Variants in FARP1 observed in about 807,000 individuals in gnomAD.
FARP1 encodes FERM, ARH/RhoGEF and pleckstrin domain protein 1.
Under a neutral mutation model 128.8 loss-of-function variants are expected in FARP1, and 52 were observed. The ratio of observed to expected loss-of-function variants is 0.40; its 90% CI spans 0.32 to 0.51. FARP1 has a LOEUF of 0.51. FARP1 is among the 20% of genes least tolerant of loss of function. The probability of loss-of-function intolerance (pLI) is 0.45; values close to 1 mark genes in which losing one functional copy is unlikely to be tolerated. For missense variants in FARP1, 1,333 were observed against 1,367.9 expected (o/e 0.97, Z 0.40); for synonymous variants, 580 against 551.8 (o/e 1.05, Z -0.72).
At chr13:98,393,307 G>A (rs368855583) in intron 11 of FARP1, among the ~76,000 whole-genome samples, 2 of 152,176 alleles carry the variant, frequency 1.3e-5, no homozygotes, top group African/African-American at 4.8e-5. Context: ...GAGCATGGGA[G>A]GGCGCAGCCA....
intron 18 of FARP1, chr13:98,432,409 TG>T (rs1014652799): frequency 6.6e-6 from 1 of 152,258 alleles, no homozygotes; most frequent in African/African-American, 2.4e-5. Flanking sequence ...ATTCCAGACC[TG>T]CTTTTCCCAC....
chr13:98,147,688 T>C (rs1000020273), intron 1 of FARP1, among the ~76,000 whole-genome samples: 1 of 152,012 alleles, frequency 6.6e-6, no homozygotes, highest in African/African-American at 2.4e-5. Flanking sequence ...TGTTTTCTTT[T>C]TGAAAAAAAC....
intron 4 of FARP1, among the ~76,000 whole-genome samples, 158 bp downstream of exon 4, chr13:98,365,595 TGTGTGTCTTCTG>T (rs1230134503): frequency 6.6e-6 from 1 of 152,234 alleles, no homozygotes; most frequent in African/African-American, 2.4e-5. Flanking sequence ...ACTATTAAAA[TGTGTGTCTTCTG>T]CAGTTTTAAT....
chr13:98,230,601 T>G (rs1455617455), intron 2 of FARP1, among the ~76,000 whole-genome samples: 13 of 151,960 alleles, frequency 8.6e-5, no homozygotes, highest in Non-Finnish European at 1.5e-4. Flanking sequence ...TGAATTACTG[T>G]GACCTAGGCA....
intron 2 of FARP1, among the ~76,000 whole-genome samples, chr13:98,224,659 A>G (rs1197145379): frequency 6.6e-6 from 1 of 151,470 alleles, no homozygotes; most frequent in Non-Finnish European, 1.5e-5. Flanking sequence ...CTTGCCAGGG[A>G]CTCCCATTTG....
In FARP1 at chr13:98,393,632, A is replaced by AT; in HGVS notation, c.1089-6dup. 6.2e-7 allele frequency: 1 copy of AT among 1,610,762 alleles called. No homozygotes were observed. Among genetic ancestry groups the AT allele is most frequent in the Non-Finnish European group, 8.5e-7 (1 of 1,177,024 alleles). On this transcript the variant is annotated splice_polypyrimidine_tract_variant and intron_variant, in intron 11 of 26. Coordinates refer to ENST00000319562, the MANE Select transcript of FARP1 (RefSeq NM_005766.4). ...CACCTAACTTTAATGATCTTGTGTG[A>AT]TTTTTCCCAGGAAGCACAGCAAGAT...
chr13:98,386,513 C>G (rs1324527986), intron 8 of FARP1, among the ~76,000 whole-genome samples: 1 of 152,150 alleles, frequency 6.6e-6, no homozygotes, highest in East Asian at 1.9e-4. Flanking sequence ...AGTGCACACA[C>G]TTGAAGTGCA....
At chr13:98,415,011 C>T (rs1450237201) in intron 16 of FARP1, among the ~76,000 whole-genome samples, 2 of 152,220 alleles carry the variant, frequency 1.3e-5, no homozygotes, top group Non-Finnish European at 2.9e-5. Context: ...AAAAGGATTT[C>T]TGAAGCCTAA....
At chr13:98,272,889 A>G (rs554609652) in intron 2 of FARP1, among the ~76,000 whole-genome samples, 3 of 152,306 alleles carry the variant, frequency 2.0e-5, no homozygotes, top group Admixed American at 6.5e-5. Context: ...AGTATGTTCA[A>G]TTTTGTCAAA....
intron 12 of FARP1, 21 bp from the exon 13 acceptor site, chr13:98,395,206 C>T: frequency 1.9e-6 from 3 of 1,577,710 alleles, no homozygotes; most frequent in Non-Finnish European, 1.7e-6. Flanking sequence ...CTCTCCGCAC[C>T]TTTTTCCCCA....
intron 16 of FARP1, among the ~76,000 whole-genome samples, chr13:98,415,184 G>A (rs1211580843): frequency 6.6e-6 from 1 of 152,132 alleles, no homozygotes; most frequent in Non-Finnish European, 1.5e-5. Flanking sequence ...GAACTGGAGG[G>A]GGCTTTGAAA....
chr13:98,384,716 C>A lies in FARP1; in HGVS notation c.497-14C>A. The A allele has an allele frequency of 1.3e-6, 2 of 1,547,958 alleles. No homozygotes were observed. Among genetic ancestry groups the A allele is most frequent in the Non-Finnish European group, 1.8e-6 (2 of 1,120,408 alleles). Reference sequence around the variant, plus strand: ...ATTCCTACGTGACCTGTTTTTCTTTCTGTTTCTTTTTAGCTGAGATTGGGG... The same window carrying A: ...ATTCCTACGTGACCTGTTTTTCTTTATGTTTCTTTTTAGCTGAGATTGGGG... On this transcript the variant is annotated splice_polypyrimidine_tract_variant and intron_variant, in intron 6 of 26. Transcript: ENST00000319562.
Position 98,395,489 on chromosome 13 carries a change from G to C in FARP1, c.1414+13G>C. On this transcript the variant is annotated intron_variant, in intron 13 of 26. Transcript: ENST00000319562. Reference sequence around the variant, plus strand: ...CAGCCAAGCACAGGTCCAGCATCCCGGGCTGCCAGAGGCAGCAGTACTTCC... The same window carrying C: ...CAGCCAAGCACAGGTCCAGCATCCCCGGCTGCCAGAGGCAGCAGTACTTCC... 1 of 1,564,600 alleles carries C rather than the reference G, an allele frequency of 6.4e-7. No homozygotes were observed.
At chr13:98,390,164 T>C in intron 10 of FARP1, 44 bp downstream of exon 10, 1 of 1,590,034 alleles carries the variant, frequency 6.3e-7, no homozygotes. Flanking sequence ...GTGCACGTTT[T>C]TCCTCCCGCC....
chr13:98,162,503 G>A (rs1454381629), intron 1 of FARP1, among the ~76,000 whole-genome samples: 3 of 152,126 alleles, frequency 2.0e-5, no homozygotes, highest in Non-Finnish European at 2.9e-5. Context: ...CCCCTCTTGG[G>A]GTTTCTGGAT....
At position 98,159,545 on chromosome 13, in the gene FARP1, C is replaced by CACCGCA. The variant is rs1876727266; in HGVS notation, c.-24+16057_-24+16062dup. On this transcript the variant is annotated intron_variant, in intron 1 of 26. Coordinates refer to ENST00000319562, the MANE Select transcript of FARP1 (RefSeq NM_005766.4). ...GGAGTGCAATGGCGTGATCTCAGCT[C>CACCGCA]ACCGCAACCTCCACCTCCCAGGTTC... 2.0e-5 allele frequency: 3 copies of CACCGCA among 149,838 alleles called. No individual in the cohort carries two copies. In the East Asian group the frequency reaches 5.9e-4, roughly 30 times the overall value. 9.3% of individuals were successfully genotyped at this position (149,838 alleles called of 1,614,324 possible).
At chr13:98,407,069 A>G (rs912141641) in intron 13 of FARP1, 1 of 152,456 alleles carries the variant, frequency 6.6e-6, no homozygotes, top group Non-Finnish European at 1.5e-5. Flanking sequence ...CTCGGCTCCA[A>G]CTCTTTCAAT....
intron 17 of FARP1, among the ~76,000 whole-genome samples, chr13:98,429,270 A>C (rs1205430991): frequency 6.6e-6 from 1 of 152,204 alleles, no homozygotes; most frequent in Non-Finnish European, 1.5e-5. Flanking sequence ...AGCAGGGGTC[A>C]CTGTGTGCAG....
chr13:98,432,389 T>G (rs1393514158), intron 18 of FARP1: 1 of 152,238 alleles, frequency 6.6e-6, no homozygotes, highest in Non-Finnish European at 1.5e-5. Flanking sequence ...CACTCAGAGG[T>G]CAGAGCCGCA....
Sources: allele counts gnomAD v4.1 joint callset (sites outside exome capture counted in the v4.1 genomes callset), GRCh38; gene constraint gnomAD v4.1.1; transcripts MANE v1.5; gene names NCBI Gene and HGNC (gene_info 2026-07-23, HGNC 2026-07-21).